The following IFT74 variants were observed in gnomAD, a reference collection of about 807,000 sequenced individuals.
The protein encoded by IFT74 is intraflagellar transport protein 74 homolog.
IFT74 carries 92 observed loss-of-function variants against 96.7 expected under a neutral mutation model. That is an observed-to-expected ratio of 0.95 (90% CI 0.80 to 1.13). The LOEUF is 1.13. Among genes scored for constraint, IFT74 ranks in the 50% most tolerant of loss-of-function variants. IFT74 has a pLI of 0.00. For missense variants in IFT74, 811 were observed against 698.2 expected, an observed-to-expected ratio of 1.16 and a Z score of -1.82; for synonymous variants, 223 against 213.2, an observed-to-expected ratio of 1.05 and a Z score of -0.40.
At position 27,023,941 on chromosome 9, in the gene IFT74, A is replaced by G. The variant is rs190506962; in HGVS notation, c.975-5084A>G. 2.6e-5 allele frequency among the ~76,000 whole-genome samples: 4 copies of G among 152,266 alleles called. No homozygotes were observed. In the South Asian group the frequency reaches 8.3e-4, roughly 32 times the overall value. On this transcript the variant is annotated intron_variant, in intron 12 of 19. Transcript: ENST00000380062. The stretch of plus-strand genomic sequence containing the variant: ...CTTGTGGCAGGCCTATGGCCTCACC[A>G]ATCACCTGAGAAACCCAAATATTTA...
intron 14 of IFT74, among the ~76,000 whole-genome samples, chr9:27,046,409 C>G (rs1341766864): frequency 1.3e-5 from 2 of 152,058 alleles, no homozygotes; most frequent in Non-Finnish European, 2.9e-5. Context: ...GTTATTCATG[C>G]TAACAGTAAA....
intron 2 of IFT74, among the ~76,000 whole-genome samples, chr9:26,975,819 T>A (rs1004613341): frequency 2.0e-5 from 3 of 152,216 alleles, no homozygotes; most frequent in Non-Finnish European, 4.4e-5. Flanking sequence ...ATTTCTTGCC[T>A]ATCCTTTAGC....
chr9:27,023,402 A>G (rs574530564), intron 12 of IFT74, among the ~76,000 whole-genome samples: 2 of 152,284 alleles, frequency 1.3e-5, no homozygotes, highest in South Asian at 2.1e-4. Flanking sequence ...CTTTTTCTGC[A>G]TCTATTGAGA....
At chr9:26,989,204 C>T (rs1253723747) in intron 7 of IFT74, among the ~76,000 whole-genome samples, 1 of 152,004 alleles carries the variant, frequency 6.6e-6, no homozygotes, top group Non-Finnish European at 1.5e-5. Flanking sequence ...ACACTGGGGA[C>T]TCCAAAAAGG....
chr9:27,045,627 T>C (rs1003164333), intron 14 of IFT74, among the ~76,000 whole-genome samples: 1 of 152,172 alleles, frequency 6.6e-6, no homozygotes, highest in African/African-American at 2.4e-5. Context: ...ACCTATACAT[T>C]TATAATTTTT....
At chr9:27,028,928 T>C in intron 12 of IFT74, 97 bp from the exon 13 acceptor site, 1 of 1,073,476 alleles carries the variant, frequency 9.3e-7, no homozygotes, top group Admixed American at 2.7e-5. Context: ...TTAGATATTG[T>C]TTATGCAACT....
chr9:27,065,645 GAGT>G lies in IFT74; in HGVS notation c.*2911_*2913del, dbSNP rs1807209702. On this transcript the variant is annotated 3_prime_UTR_variant, in exon 20 of 20. Coordinates refer to ENST00000380062, the MANE Select transcript of IFT74 (RefSeq NM_025103.4). The stretch of plus-strand genomic sequence containing the variant: ...TGCCTGCTTAGAGGATTACAGCATG[GAGT>G]AATCATATTCACACCAGAGATGAAA... Among the ~76,000 whole-genome samples, 3 of 152,184 alleles carry G rather than the reference GAGT, an allele frequency of 2.0e-5. No individual in the cohort carries two copies. The South Asian group carries it at 6.2e-4, about 32-fold the overall frequency.
rs1271614015 is a variant in IFT74, at chr9:27,063,891, A to G, written c.*1155A>G. 1.3e-5 allele frequency among the ~76,000 whole-genome samples: 2 copies of G among 152,124 alleles called. No homozygotes were observed. The highest frequency in any genetic ancestry group is 2.9e-5 in the Non-Finnish European group (2 of 67,966). On this transcript the variant is annotated 3_prime_UTR_variant, in exon 20 of 20. Coordinates refer to ENST00000380062, the MANE Select transcript of IFT74 (RefSeq NM_025103.4). ...ACTAATATGGCTGAAGATCCTGGAC[A>G]TTCATTAAGGTAGCATTCATAAAAT...
At chr9:27,032,136 A>G (rs530785652) in intron 13 of IFT74, among the ~76,000 whole-genome samples, 6 of 152,226 alleles carry the variant, frequency 3.9e-5, no homozygotes, top group South Asian at 2.1e-4. Context: ...CTATGCAAAA[A>G]TACTGAGCCT....
Position 27,060,686 on chromosome 9 carries a change from C to T in IFT74, c.1684+35C>T, listed in dbSNP as rs200332737. 219 of 1,516,160 alleles carry T rather than the reference C, an allele frequency of 1.4e-4. No individual in the cohort carries two copies. The East Asian group carries it at 3.7e-3, about 26-fold the overall frequency. 93.9% of individuals were successfully genotyped at this position (1,516,160 alleles called of 1,614,324 possible). On this transcript the variant is annotated intron_variant, in intron 19 of 19. Transcript: ENST00000380062. ...AAAAAGCTGAAAATGGGGCCGGGTG[C>T]GGTGGCTCATGCCTATAGTCCCAAC...
intron 14 of IFT74, among the ~76,000 whole-genome samples, chr9:27,046,282 C>T (rs1261208525): frequency 6.6e-6 from 1 of 152,064 alleles, no homozygotes; most frequent in African/African-American, 2.4e-5. Context: ...GATTGTGGTC[C>T]TCTACCACCA....
chr9:27,025,575 T>C (rs1434285883), intron 12 of IFT74, among the ~76,000 whole-genome samples: 1 of 152,020 alleles, frequency 6.6e-6, no homozygotes, highest in Non-Finnish European at 1.5e-5. Flanking sequence ...GAAAGAATCT[T>C]AAGAGCTATG....
chr9:27,060,395 A>G (rs1820359683), intron 18 of IFT74, among the ~76,000 whole-genome samples, 196 bp from the exon 19 acceptor site: 1 of 151,866 alleles, frequency 6.6e-6, no homozygotes, highest in African/African-American at 2.4e-5. Flanking sequence ...AGAGTAAAAC[A>G]TGTTATAGGA....
chr9:27,061,179 G>A (rs183816179), intron 19 of IFT74, among the ~76,000 whole-genome samples: 141 of 152,070 alleles, frequency 9.3e-4, no homozygotes, highest in Non-Finnish European at 1.7e-3. Flanking sequence ...GCGCACGCAC[G>A]TGCCCTCAAG....
At chr9:27,049,742 A>C (rs1819844255) in intron 16 of IFT74, among the ~76,000 whole-genome samples, 1 of 152,208 alleles carries the variant, frequency 6.6e-6, no homozygotes, top group Admixed American at 6.5e-5. Context: ...GGAAGTACAT[A>C]GGGCACATAT....
At chr9:26,952,247 C>T (rs1432934407), upstream of IFT74, among the ~76,000 whole-genome samples, 1 of 151,008 alleles carries the variant, frequency 6.6e-6, no homozygotes, top group Non-Finnish European at 1.5e-5. Context: ...TTTTATCGTC[C>T]CCTCATTGAA....
chr9:26,958,328 C>G (rs1826210490), intron 1 of IFT74, among the ~76,000 whole-genome samples: 1 of 152,078 alleles, frequency 6.6e-6, no homozygotes, highest in African/African-American at 2.4e-5. Context: ...TTGAAGAAGA[C>G]GAAGATTCCA....
intron 7 of IFT74, 126 bp from the exon 8 acceptor site, chr9:26,990,008 A>C (rs1827797192): frequency 2.2e-6 from 1 of 454,544 alleles, no homozygotes; most frequent in South Asian, 5.8e-5. Context: ...TTTCTTCTTA[A>C]ACTTTGTATG....
At chr9:27,049,027 G>C (rs144444761) in intron 16 of IFT74, among the ~76,000 whole-genome samples, 1 of 152,046 alleles carries the variant, frequency 6.6e-6, no homozygotes, top group Non-Finnish European at 1.5e-5. Flanking sequence ...TGTTCTCTGT[G>C]AGTTCACGCA....
Sources: gnomAD v4.1 joint callset for allele counts (sites outside exome capture counted in the v4.1 genomes callset) on GRCh38, gnomAD v4.1.1 for gene constraint, MANE v1.5 for transcripts, NCBI Gene and HGNC (gene_info 2026-07-23, HGNC 2026-07-21) for gene names.